GABBR2: variants seen among roughly 807,000 people sequenced by gnomAD.
GABBR2 encodes G-protein coupled receptor 51.
GABBR2 carries 23 observed loss-of-function variants against 105.6 expected under a neutral mutation model. That is an observed-to-expected ratio of 0.22 (90% CI 0.16 to 0.31). The LOEUF (loss-of-function observed/expected upper bound fraction) is 0.31, where lower values mean the gene tolerates loss of function less well. Among genes scored for constraint, GABBR2 ranks in the 10% least tolerant of loss-of-function variants. The pLI, the probability that GABBR2 is intolerant of heterozygous loss-of-function variation, is 1.00. For missense variants in GABBR2, 734 were observed against 1,245.5 expected, an observed-to-expected ratio of 0.59 and a Z score of 6.18; for synonymous variants, 478 against 499.7, an observed-to-expected ratio of 0.96 and a Z score of 0.58.
At chr9:98,427,914 T>C (rs951950171) in intron 7 of GABBR2, among the ~76,000 whole-genome samples, 20 of 152,178 alleles carry the variant, frequency 1.3e-4, no homozygotes, top group African/African-American at 4.6e-4. Context: ...CTCCCAGCAC[T>C]AGTGAGCCTT....
At chr9:98,481,617 G>A (rs1201259123) in intron 4 of GABBR2, among the ~76,000 whole-genome samples, 3 of 152,110 alleles carry the variant, frequency 2.0e-5, no homozygotes, top group Non-Finnish European at 4.4e-5. Flanking sequence ...AACCATGGGT[G>A]GCCTCTGGTC....
chr9:98,290,996 C>T (rs540951752), intron 18 of GABBR2, among the ~76,000 whole-genome samples: 4 of 152,256 alleles, frequency 2.6e-5, no homozygotes, highest in Middle Eastern at 3.4e-3. Flanking sequence ...TGAATTTTCT[C>T]GAGCTTTGGG....
At chr9:98,411,722 C>A (rs528630392) in intron 7 of GABBR2, among the ~76,000 whole-genome samples, 8 of 152,230 alleles carry the variant, frequency 5.3e-5, no homozygotes, top group Middle Eastern at 3.4e-3. Flanking sequence ...TCACCACAAC[C>A]AGCTAATTTT....
intron 1 of GABBR2, among the ~76,000 whole-genome samples, chr9:98,616,544 A>C (rs1298939893): frequency 6.6e-6 from 1 of 152,188 alleles, no homozygotes; most frequent in East Asian, 1.9e-4. Context: ...ATTTGAGGTC[A>C]GGAGTTCAAT....
chr9:98,601,567 A>C (rs903869363), intron 1 of GABBR2, among the ~76,000 whole-genome samples: 1 of 152,190 alleles, frequency 6.6e-6, no homozygotes, highest in African/African-American at 2.4e-5. Flanking sequence ...AACAAATCCT[A>C]ATGTCTGCTA....
At chr9:98,448,423 A>G (rs1478053634) in intron 7 of GABBR2, among the ~76,000 whole-genome samples, 1 of 152,136 alleles carries the variant, frequency 6.6e-6, no homozygotes, top group African/African-American at 2.4e-5. Context: ...ATGAGAGTCT[A>G]TTAATTTATT....
intron 7 of GABBR2, among the ~76,000 whole-genome samples, chr9:98,417,485 G>A (rs572408978): frequency 6.6e-6 from 1 of 152,302 alleles, no homozygotes; most frequent in Non-Finnish European, 1.5e-5. Flanking sequence ...AGGGCTTGGG[G>A]CTTACAGTGA....
At chr9:98,673,795 C>T (rs573020340) in intron 1 of GABBR2, among the ~76,000 whole-genome samples, 6 of 152,232 alleles carry the variant, frequency 3.9e-5, no homozygotes, top group Middle Eastern at 3.4e-3. Flanking sequence ...TGTGGTTTTC[C>T]TATAAAGCAC....
Position 98,475,757 on chromosome 9 carries a change from T to C in GABBR2, c.799-2411A>G, listed in dbSNP as rs373820771. ...TGTGGCAAGGAGACAGCTCCACTTA[T>C]GAGGAAGTAAGAATCAGTAGATACA... On this transcript the variant is annotated intron_variant, in intron 5 of 18. Transcript: ENST00000259455. 1.7e-4 allele frequency among the ~76,000 whole-genome samples: 26 copies of C among 152,288 alleles called. No homozygotes were observed. In the East Asian group the frequency reaches 3.9e-3, roughly 23 times the overall value.
In GABBR2 at chr9:98,547,587, G is replaced by A. The variant is rs569807695; in HGVS notation, c.460-5544C>T. On this transcript the variant is annotated intron_variant, in intron 2 of 18. Transcript: ENST00000259455. The stretch of plus-strand genomic sequence containing the variant: ...ATCTAGAAGAGCATCTTATTTTACT[G>A]TATTTTATTACAAGGTATGTGCATA... 7.1e-4 allele frequency among the ~76,000 whole-genome samples: 85 copies of A among 119,972 alleles called. 15 individuals carry two copies. Among genetic ancestry groups the A allele is most frequent in the African/African-American group, 2.3e-3 (85 of 37,716 alleles). 78.7% of individuals were successfully genotyped at this position (119,972 alleles called of 152,430 possible).
At chr9:98,654,165 G>A (rs1231848099) in intron 1 of GABBR2, among the ~76,000 whole-genome samples, 1 of 152,178 alleles carries the variant, frequency 6.6e-6, no homozygotes, top group Non-Finnish European at 1.5e-5. Flanking sequence ...ATGTTGCACT[G>A]GTCGGGTACT....
At chr9:98,467,031 G>A (rs759227423) in intron 6 of GABBR2, among the ~76,000 whole-genome samples, 1 of 152,106 alleles carries the variant, frequency 6.6e-6, no homozygotes, top group Non-Finnish European at 1.5e-5. Flanking sequence ...GAAAAAGAAA[G>A]GCCATATCCC....
chr9:98,512,889 G>A (rs1461473512), intron 3 of GABBR2, among the ~76,000 whole-genome samples: 1 of 152,274 alleles, frequency 6.6e-6, no homozygotes, highest in African/African-American at 2.4e-5. Context: ...TTTCTTCACA[G>A]AATTGGAGAA....
At chr9:98,372,131 G>A (rs951156683) in intron 11 of GABBR2, among the ~76,000 whole-genome samples, 7 of 152,170 alleles carry the variant, frequency 4.6e-5, no homozygotes, top group African/African-American at 9.7e-5. Context: ...GTGCCCTGAC[G>A]CCTAGCCCTG....
At chr9:98,437,201 C>G (rs969134380) in intron 7 of GABBR2, among the ~76,000 whole-genome samples, 2 of 152,146 alleles carry the variant, frequency 1.3e-5, no homozygotes, top group Non-Finnish European at 2.9e-5. Flanking sequence ...TCTGAAGATC[C>G]TTCTAGAGAA....
chr9:98,467,786 C>T (rs1467043932), intron 6 of GABBR2, among the ~76,000 whole-genome samples: 4 of 152,238 alleles, frequency 2.6e-5, no homozygotes, highest in Admixed American at 2.6e-4. Flanking sequence ...CTCCAGAGGT[C>T]TCAGGGTGCT....
chr9:98,303,291 G>A lies in GABBR2; in HGVS notation c.2362C>T (p.Leu788=). 1 of 1,614,210 alleles carries A rather than the reference G, an allele frequency of 6.2e-7. No homozygotes were observed. The highest frequency in any genetic ancestry group is 8.5e-7 in the Non-Finnish European group (1 of 1,180,020). The stretch of plus-strand genomic sequence containing the variant: ...TGGTTTTCTGACTGTAGGCCCTCCA[G>A]GCGGGATGTGCTGGCTTGGTTCACA... ...TSVNQASTSR[L]EGLQSENHRL... The change falls in exon 16 of 19, where the codon CTG becomes TTG. Residue 788 remains leucine, a synonymous_variant. Coordinates refer to ENST00000259455, the MANE Select transcript of GABBR2 (RefSeq NM_005458.8).
intron 3 of GABBR2, among the ~76,000 whole-genome samples, chr9:98,516,971 C>T (rs555062127): frequency 2.6e-5 from 4 of 152,322 alleles, no homozygotes; most frequent in Admixed American, 2.0e-4. Context: ...CTTGGTTGCA[C>T]GACCAGATTT....
chr9:98,322,495 T>A (rs1212810978), intron 13 of GABBR2, among the ~76,000 whole-genome samples: 1 of 152,016 alleles, frequency 6.6e-6, no homozygotes, highest in Non-Finnish European at 1.5e-5. Context: ...CTCCAAGTGA[T>A]CATCCGCGCC....
Sources: gnomAD v4.1 joint callset for allele counts (sites outside exome capture counted in the v4.1 genomes callset) on GRCh38, gnomAD v4.1.1 for gene constraint, MANE v1.5 for transcripts, NCBI Gene and HGNC (gene_info 2026-07-23, HGNC 2026-07-21) for gene names.